Variants in AGMO observed in about 807,000 individuals in gnomAD.
The protein encoded by AGMO is glyceryl-ether monooxygenase.
A neutral mutation model predicts 60.2 loss-of-function variants in AGMO; 75 were observed. The ratio of observed to expected loss-of-function variants is 1.25; its 90% CI spans 1.03 to 1.51. The LOEUF (loss-of-function observed/expected upper bound fraction) is 1.51. AGMO is among the 40% of genes most tolerant of loss of function. The probability of loss-of-function intolerance (pLI) is 0.00; values close to 1 mark genes in which losing one functional copy is unlikely to be tolerated. For synonymous variants in AGMO, 261 were observed against 177.1 expected (o/e 1.47, Z -3.76); for missense variants, 763 against 525.5 (o/e 1.45, Z -4.42).
chr7:15,277,408 T>C (rs542002854), intron 12 of AGMO, among the ~76,000 whole-genome samples: 1 of 152,308 alleles, frequency 6.6e-6, no homozygotes, highest in Non-Finnish European at 1.5e-5. Flanking sequence ...TAGAGAGCTA[T>C]TCTGATCCTT....
At chr7:15,366,067 G>A in intron 11 of AGMO, 73 bp downstream of exon 11, 1 of 1,088,580 alleles carries the variant, frequency 9.2e-7, no homozygotes, top group Non-Finnish European at 1.4e-6. Context: ...ATAATATACT[G>A]GTATTTTACC....
chr7:15,550,463 T>A (rs1208670266), intron 2 of AGMO, among the ~76,000 whole-genome samples: 4 of 151,846 alleles, frequency 2.6e-5, no homozygotes, highest in Admixed American at 6.6e-5. Context: ...AAATAGACAC[T>A]ATAAAAAATG....
At chr7:15,410,217 A>G (rs1161630720) in intron 5 of AGMO, among the ~76,000 whole-genome samples, 1 of 151,642 alleles carries the variant, frequency 6.6e-6, no homozygotes, top group East Asian at 1.9e-4. Flanking sequence ...TTTTTTTATT[A>G]TGTACATAAG....
At chr7:15,361,935 T>A (rs1048519544) in intron 12 of AGMO, among the ~76,000 whole-genome samples, 7 of 152,146 alleles carry the variant, frequency 4.6e-5, no homozygotes, top group African/African-American at 1.7e-4. Context: ...ATGCTACCAA[T>A]ATATACAACA....
At chr7:15,531,161 CTA>C (rs1392102766) in intron 3 of AGMO, among the ~76,000 whole-genome samples, 16 of 51,708 alleles carry the variant, frequency 3.1e-4, no homozygotes, top group African/African-American at 7.7e-4. Context: ...TATATATATT[CTA>C]TATATATATT....
At chr7:15,174,868 T>TA in the AGMO span, among the ~76,000 whole-genome samples, 1,151 of 151,944 alleles carry the variant, frequency 7.6e-3, 14 homozygotes, top group African/African-American at 0.027. Context: ...ATCCAAATGA[T>TA]AAAAAAAATT....
chr7:15,217,092 G>T (rs1409941097), intron 12 of AGMO, among the ~76,000 whole-genome samples: 1 of 152,050 alleles, frequency 6.6e-6, no homozygotes, highest in East Asian at 1.9e-4. Context: ...GGTGAGGAAG[G>T]AAATACAGTT....
intron 12 of AGMO, among the ~76,000 whole-genome samples, chr7:15,274,184 C>T (rs533680413): frequency 2.6e-5 from 4 of 152,216 alleles, no homozygotes; most frequent in African/African-American, 4.8e-5. Context: ...TGAGAGAGGG[C>T]GTCCCTGTCT....
rs554560767 is a variant in AGMO at position 15,318,722 on chromosome 7, A to T, written c.1263+46792T>A. Among the ~76,000 whole-genome samples, 43 of 152,288 alleles carry T rather than the reference A, an allele frequency of 2.8e-4. No homozygotes were observed. The East Asian group carries it at 4.1e-3, about 14-fold the overall frequency. ...CTTTTAATTTAATTAAAATATTTTT[A>T]AAAATACGGGCTAGAATTATATTCT... On this transcript the variant is annotated intron_variant, in intron 12 of 12. Transcript: ENST00000342526.
intron 12 of AGMO, among the ~76,000 whole-genome samples, chr7:15,297,968 T>C (rs1011522342): frequency 6.6e-6 from 1 of 152,192 alleles, no homozygotes; most frequent in Admixed American, 6.5e-5. Context: ...TTTTAGTCCA[T>C]TTGTAAGATC....
intron 12 of AGMO, among the ~76,000 whole-genome samples, chr7:15,287,465 T>C (rs1355751394): frequency 1.3e-5 from 2 of 152,358 alleles, no homozygotes; most frequent in Non-Finnish European, 2.9e-5. Flanking sequence ...TGAACTTCTC[T>C]ATTTGGATCT....
At chr7:15,211,006 T>A (rs1781573062) in intron 12 of AGMO, among the ~76,000 whole-genome samples, 1 of 151,926 alleles carries the variant, frequency 6.6e-6, no homozygotes, top group African/African-American at 2.4e-5. Context: ...AAAGATATAC[T>A]GCATACACAT....
At chr7:15,139,208 G>T in the AGMO span, among the ~76,000 whole-genome samples, 1 of 152,040 alleles carries the variant, frequency 6.6e-6, no homozygotes, top group Admixed American at 6.6e-5. Flanking sequence ...CGGTATTATG[G>T]TGTACACTGT....
chr7:15,353,337 T>C (rs551209573), intron 12 of AGMO, among the ~76,000 whole-genome samples: 1 of 152,304 alleles, frequency 6.6e-6, no homozygotes, highest in African/African-American at 2.4e-5. Flanking sequence ...GCTGGATTTC[T>C]AACATTCTCA....
rs1583377807 is a variant in AGMO, at chr7:15,298,156, G to C, written c.1263+67358C>G. Among the ~76,000 whole-genome samples the C allele has an allele frequency of 2.6e-5, 4 of 151,896 alleles. No individual in the cohort carries two copies. The East Asian group carries it at 7.7e-4, about 29-fold the overall frequency. Reference sequence around the variant, plus strand: ...AAACTGAGAAACAGATAGACTACTTGTGTATAACAAGCATCATACTGGCAG... The same window carrying C: ...AAACTGAGAAACAGATAGACTACTTCTGTATAACAAGCATCATACTGGCAG... On this transcript the variant is annotated intron_variant, in intron 12 of 12. Coordinates refer to ENST00000342526, the MANE Select transcript of AGMO (RefSeq NM_001004320.2).
intron 12 of AGMO, among the ~76,000 whole-genome samples, chr7:15,238,986 A>G (rs1280911656): frequency 1.3e-5 from 2 of 152,104 alleles, no homozygotes; most frequent in Admixed American, 1.3e-4. Flanking sequence ...ATTATCCGCC[A>G]TTTTACAGAT....
intron 12 of AGMO, among the ~76,000 whole-genome samples, chr7:15,290,765 A>G (rs1784240959): frequency 6.6e-6 from 1 of 152,186 alleles, no homozygotes; most frequent in Non-Finnish European, 1.5e-5. Flanking sequence ...ACCTATGTCA[A>G]TATTTCCCAA....
intron 12 of AGMO, among the ~76,000 whole-genome samples, chr7:15,204,029 T>G (rs1280848700): frequency 6.6e-6 from 1 of 152,080 alleles, no homozygotes; most frequent in African/African-American, 2.4e-5. Flanking sequence ...CAAAGGATCA[T>G]AGAAATAAAA....
intron 10 of AGMO, among the ~76,000 whole-genome samples, chr7:15,383,880 C>A (rs1300904441): frequency 6.6e-6 from 1 of 151,620 alleles, no homozygotes; most frequent in African/African-American, 2.4e-5. Context: ...TGTTTTTAAT[C>A]TGTTTATGTA....
Sources: allele counts gnomAD v4.1 joint callset (sites outside exome capture counted in the v4.1 genomes callset), GRCh38; gene constraint gnomAD v4.1.1; transcripts MANE v1.5; gene names NCBI Gene and HGNC (gene_info 2026-07-23, HGNC 2026-07-21).